The following ZNF385D variants were observed in gnomAD, a reference collection of about 807,000 sequenced individuals.
ZNF385D encodes zinc finger protein 659.
In ZNF385D, 15 loss-of-function variants were observed where a neutral mutation model predicts 35.8. The ratio of observed to expected loss-of-function variants is 0.42; its 90% CI spans 0.28 to 0.64. ZNF385D has a LOEUF of 0.64. Ranked by LOEUF, ZNF385D falls within the 30% of genes least tolerant of loss-of-function variation. ZNF385D has a pLI of 0.23. For synonymous variants in ZNF385D, 212 were observed against 186.8 expected (o/e 1.13, Z -1.10); for missense variants, 474 against 494.6 (o/e 0.96, Z 0.39).
intron 1 of ZNF385D, among the ~76,000 whole-genome samples, chr3:21,713,784 G>A (rs1000961932): frequency 6.6e-6 from 1 of 152,118 alleles, no homozygotes; most frequent in Non-Finnish European, 1.5e-5. Flanking sequence ...GTCAGAGACT[G>A]CATTTTGTCA....
chr3:22,266,416 T>C (rs1184638593), intron 2 of ZNF385D, among the ~76,000 whole-genome samples: 1 of 151,900 alleles, frequency 6.6e-6, no homozygotes, highest in East Asian at 1.9e-4. Context: ...AACCAGCGGG[T>C]AAGAAGAGGT....
intron 2 of ZNF385D, among the ~76,000 whole-genome samples, chr3:22,345,950 A>G (rs980699464): frequency 6.6e-6 from 1 of 152,206 alleles, no homozygotes; most frequent in Non-Finnish European, 1.5e-5. Flanking sequence ...AGCTGACTGC[A>G]TCACAGTTCA....
intron 2 of ZNF385D, among the ~76,000 whole-genome samples, chr3:22,231,168 T>C (rs1053029136): frequency 6.6e-6 from 1 of 152,110 alleles, no homozygotes; most frequent in Non-Finnish European, 1.5e-5. Context: ...AGCCAAAAAG[T>C]GCAATTGTTA....
intron 2 of ZNF385D, among the ~76,000 whole-genome samples, chr3:22,312,052 G>A (rs1163988794): frequency 6.6e-6 from 1 of 152,048 alleles, no homozygotes; most frequent in Non-Finnish European, 1.5e-5. Context: ...CTGCTGTGCT[G>A]GAAGTCTTCA....
chr3:21,833,155 G>C (rs2125768707), intron 3 of ZNF385D, among the ~76,000 whole-genome samples: 1 of 152,184 alleles, frequency 6.6e-6, no homozygotes, highest in East Asian at 1.9e-4. Context: ...ACACTGCAGA[G>C]ATCAAGAAAG....
chr3:22,117,555 C>T (rs556141121), intron 3 of ZNF385D, among the ~76,000 whole-genome samples: 63 of 151,360 alleles, frequency 4.2e-4, no homozygotes, highest in South Asian at 6.3e-4. Flanking sequence ...TATCTGAATT[C>T]ACACTGATTT....
intron 3 of ZNF385D, among the ~76,000 whole-genome samples, chr3:21,999,327 A>T (rs542707402): frequency 1.5e-3 from 226 of 147,824 alleles, no homozygotes; most frequent in Non-Finnish European, 2.5e-3. Context: ...CAAAACAAAA[A>T]TTTTTTTTTT....
chr3:22,287,146 G>C (rs896041585), intron 2 of ZNF385D, among the ~76,000 whole-genome samples: 4 of 151,802 alleles, frequency 2.6e-5, no homozygotes, highest in African/African-American at 9.7e-5. Flanking sequence ...TTTCTTTTGT[G>C]ACAGTTTTTT....
chr3:21,778,317 C>G (rs1389369905), intron 3 of ZNF385D, among the ~76,000 whole-genome samples: 1 of 151,814 alleles, frequency 6.6e-6, no homozygotes, highest in African/African-American at 2.4e-5. Flanking sequence ...TTTCTTTCCC[C>G]AACACACCTA....
At chr3:21,568,470 C>T (rs1287462413) in intron 2 of ZNF385D, among the ~76,000 whole-genome samples, 1 of 152,056 alleles carries the variant, frequency 6.6e-6, no homozygotes. Context: ...TCTGATCTGT[C>T]AAAACAGTAA....
At chr3:21,599,147 T>C (rs1489665992) in intron 2 of ZNF385D, among the ~76,000 whole-genome samples, 5 of 152,214 alleles carry the variant, frequency 3.3e-5, no homozygotes, top group Non-Finnish European at 7.4e-5. Flanking sequence ...AGACTAACTT[T>C]GTTACAGACT....
intron 1 of ZNF385D, among the ~76,000 whole-genome samples, chr3:21,706,069 G>T (rs1009753196): frequency 6.6e-6 from 1 of 152,158 alleles, no homozygotes; most frequent in Non-Finnish European, 1.5e-5. Context: ...TCCTCCAAGG[G>T]TCTAACTCAC....
intron 3 of ZNF385D, among the ~76,000 whole-genome samples, chr3:21,765,709 A>G (rs2070799442): frequency 6.8e-6 from 1 of 147,574 alleles, no homozygotes. Flanking sequence ...GCACACGCAC[A>G]CACATACACA....
intron 3 of ZNF385D, among the ~76,000 whole-genome samples, chr3:21,780,975 C>T (rs2071466504): frequency 1.3e-5 from 2 of 152,010 alleles, no homozygotes; most frequent in Non-Finnish European, 2.9e-5. Context: ...TTAGAGCTGA[C>T]ATAGCAACTA....
At chr3:22,018,714 C>T (rs1697032793) in intron 3 of ZNF385D, among the ~76,000 whole-genome samples, 1 of 151,894 alleles carries the variant, frequency 6.6e-6, no homozygotes, top group South Asian at 2.1e-4. Context: ...CCTATTTACA[C>T]TTGTGGATTG....
chr3:21,463,531 G>C (rs1703318278), intron 4 of ZNF385D, among the ~76,000 whole-genome samples: 1 of 152,178 alleles, frequency 6.6e-6, no homozygotes, highest in African/African-American at 2.4e-5. Flanking sequence ...CTTCCTCAGA[G>C]CCAAGTGTCA....
chr3:22,065,194 T>C (rs1283811655), intron 3 of ZNF385D, among the ~76,000 whole-genome samples: 1 of 152,188 alleles, frequency 6.6e-6, no homozygotes, highest in Non-Finnish European at 1.5e-5. Flanking sequence ...GAGAGTGTTG[T>C]GTGGCTATTC....
At chr3:21,764,005 G>A (rs1017722395) in intron 3 of ZNF385D, among the ~76,000 whole-genome samples, 13 of 152,134 alleles carry the variant, frequency 8.5e-5, no homozygotes, top group African/African-American at 2.9e-4. Flanking sequence ...ATACTGCAAT[G>A]GAAGGTGGAT....
intron 3 of ZNF385D, among the ~76,000 whole-genome samples, chr3:21,997,862 CGCGCGCGCGCGTGTGTGTGT>C (rs1695569937): frequency 8.9e-6 from 1 of 112,506 alleles, no homozygotes; most frequent in African/African-American, 2.9e-5. Flanking sequence ...ATTTGGCGCG[CGCGCGCGCGCGTGTGTGTGT>C]GTGTGTGTGT....
Sources: allele counts gnomAD v4.1 joint callset (sites outside exome capture counted in the v4.1 genomes callset), GRCh38; gene constraint gnomAD v4.1.1; transcripts MANE v1.5; gene names NCBI Gene and HGNC (gene_info 2026-07-23, HGNC 2026-07-21).